The following NXPH2 variants were observed in gnomAD, a reference collection of about 807,000 sequenced individuals.
The protein encoded by NXPH2 is neurexophilin 2.
Under a neutral mutation model 19.8 loss-of-function variants are expected in NXPH2, and 5 were observed. The ratio of observed to expected loss-of-function variants is 0.25; its 90% CI spans 0.13 to 0.53. The LOEUF (loss-of-function observed/expected upper bound fraction) is 0.53. NXPH2 is among the 20% of genes least tolerant of loss of function. NXPH2 has a pLI of 0.96. For missense variants in NXPH2, 289 were observed against 322.8 expected, an observed-to-expected ratio of 0.90 and a Z score of 0.80; for synonymous variants, 154 against 127.4, an observed-to-expected ratio of 1.21 and a Z score of -1.41.
intron 1 of NXPH2, among the ~76,000 whole-genome samples, chr2:138,731,092 T>C (rs925449261): frequency 6.6e-6 from 1 of 152,218 alleles, no homozygotes; most frequent in African/African-American, 2.4e-5. Context: ...TCCCTAAATA[T>C]TTATCATTAT....
At position 138,780,172 on chromosome 2, in the gene NXPH2, G is replaced by T. The variant is rs1024891815; in HGVS notation, c.51+19C>A. 1 of 1,483,814 alleles carries T rather than the reference G, an allele frequency of 6.7e-7. No individual in the cohort carries two copies. The highest frequency in any genetic ancestry group is 8.9e-7 in the Non-Finnish European group (1 of 1,125,394). The allele number at this position is 1,483,814 out of a possible 1,614,324, so 91.9% of individuals were successfully genotyped here. On this transcript the variant is annotated intron_variant, in intron 1 of 1. Coordinates refer to ENST00000272641, the MANE Select transcript of NXPH2 (RefSeq NM_007226.3). ...ACGCGTCCCCGGCGTGTGGGACGGCGCGCGGGCCGGGCACTCACCAGCTGC... is the reference window on the plus strand; with the variant it reads ...ACGCGTCCCCGGCGTGTGGGACGGCTCGCGGGCCGGGCACTCACCAGCTGC...
intron 1 of NXPH2, among the ~76,000 whole-genome samples, chr2:138,763,279 T>C (rs1205222123): frequency 6.6e-6 from 1 of 152,288 alleles, no homozygotes; most frequent in Non-Finnish European, 1.5e-5. Context: ...GAAATTTTGA[T>C]CATAAATTTT....
chr2:138,732,379 T>C (rs570659427), intron 1 of NXPH2, among the ~76,000 whole-genome samples: 1 of 152,174 alleles, frequency 6.6e-6, no homozygotes, highest in East Asian at 1.9e-4. Flanking sequence ...ATCTGGGTCT[T>C]TTAAAAGGCA....
intron 1 of NXPH2, among the ~76,000 whole-genome samples, chr2:138,745,823 G>C (rs536280139): frequency 6.6e-6 from 1 of 152,116 alleles, no homozygotes; most frequent in East Asian, 1.9e-4. Context: ...ATTATAGGGT[G>C]GGGGGAAGAA....
At position 138,779,231 on chromosome 2, in the gene NXPH2, A is replaced by T. The variant is rs571534800; in HGVS notation, c.51+960T>A. On this transcript the variant is annotated intron_variant, in intron 1 of 1. Transcript: ENST00000272641. Reference sequence around the variant, plus strand: ...AAAGCCCTCTTAATAGCACCCTAACAAGGCAAGAGCTAAGTGACCAGAAGA... The same window carrying T: ...AAAGCCCTCTTAATAGCACCCTAACTAGGCAAGAGCTAAGTGACCAGAAGA... Among the ~76,000 whole-genome samples, 26 of 152,282 alleles carry T rather than the reference A, an allele frequency of 1.7e-4. No homozygotes were observed. In the South Asian group the frequency reaches 5.2e-3, roughly 30 times the overall value.
chr2:138,697,762 T>C (rs996188607), intron 1 of NXPH2, among the ~76,000 whole-genome samples: 2 of 151,862 alleles, frequency 1.3e-5, no homozygotes, highest in African/African-American at 4.8e-5. Context: ...AATAAACTAA[T>C]AGATAAATAA....
chr2:138,732,155 T>C (rs1285789894), intron 1 of NXPH2, among the ~76,000 whole-genome samples: 2 of 152,234 alleles, frequency 1.3e-5, no homozygotes, highest in African/African-American at 4.8e-5. Flanking sequence ...TGGGAAACTA[T>C]GGACAACATT....
chr2:138,713,597 CTG>C (rs113220668), intron 1 of NXPH2, among the ~76,000 whole-genome samples: 3,054 of 149,426 alleles, frequency 0.02, 82 homozygotes, highest in African/African-American at 0.063. Flanking sequence ...AGAAAACGTT[CTG>C]TGTGTGTGTG....
At chr2:138,746,447 C>T (rs974428683) in intron 1 of NXPH2, among the ~76,000 whole-genome samples, 3 of 152,194 alleles carry the variant, frequency 2.0e-5, no homozygotes, top group Non-Finnish European at 4.4e-5. Flanking sequence ...TCGTGCCTGG[C>T]TCCAGCCAGA....
At chr2:138,716,116 A>C (rs1681192188) in intron 1 of NXPH2, among the ~76,000 whole-genome samples, 2 of 152,040 alleles carry the variant, frequency 1.3e-5, no homozygotes, top group Non-Finnish European at 2.9e-5. Flanking sequence ...AGTTTTTCTT[A>C]CTCTGATTTC....
At chr2:138,751,550 T>G (rs1042249792) in intron 1 of NXPH2, among the ~76,000 whole-genome samples, 4 of 152,112 alleles carry the variant, frequency 2.6e-5, no homozygotes, top group African/African-American at 9.7e-5. Flanking sequence ...TCCTTTTACC[T>G]CCTTAAAATA....
intron 1 of NXPH2, among the ~76,000 whole-genome samples, chr2:138,710,085 C>T (rs1393595950): frequency 6.6e-6 from 1 of 152,210 alleles, no homozygotes; most frequent in Non-Finnish European, 1.5e-5. Flanking sequence ...TCCCATTCCT[C>T]CCAGCCCCTG....
chr2:138,676,730 C>T (rs1190307919), intron 1 of NXPH2, among the ~76,000 whole-genome samples: 1 of 152,154 alleles, frequency 6.6e-6, no homozygotes. Context: ...CTCATGCCTC[C>T]TACTCAAGAA....
In NXPH2 at chr2:138,669,821, T is replaced by A. The variant is rs1680388886; in HGVS notation, c.*1101A>T. ...TAATTTGAAAGTCATTTCAAAAGTC[T>A]GGTAAGCCAGGTATCTTGGTTGTCA... On this transcript the variant is annotated 3_prime_UTR_variant, in exon 2 of 2. Coordinates refer to ENST00000272641, the MANE Select transcript of NXPH2 (RefSeq NM_007226.3). Among the ~76,000 whole-genome samples the A allele has an allele frequency of 6.6e-6, 1 of 152,254 alleles. No homozygotes were observed. Among genetic ancestry groups the A allele is most frequent in the South Asian group, 2.1e-4 (1 of 4,830 alleles).
intron 1 of NXPH2, among the ~76,000 whole-genome samples, chr2:138,753,724 A>G (rs771100739): frequency 6.6e-6 from 1 of 152,108 alleles, no homozygotes; most frequent in African/African-American, 2.4e-5. Context: ...CCTCCCCTTG[A>G]TATCTGTAAA....
intron 1 of NXPH2, among the ~76,000 whole-genome samples, chr2:138,771,267 A>G (rs1682170487): frequency 6.6e-6 from 1 of 152,202 alleles, no homozygotes; most frequent in Admixed American, 6.5e-5. Context: ...AAGTTGCTCT[A>G]TCAAAGTAGC....
At chr2:138,772,065 A>T (rs1029581688) in intron 1 of NXPH2, among the ~76,000 whole-genome samples, 1 of 152,068 alleles carries the variant, frequency 6.6e-6, no homozygotes, top group Admixed American at 6.5e-5. Flanking sequence ...TTGTCCTCAT[A>T]TTCCTACCTG....
intron 1 of NXPH2, among the ~76,000 whole-genome samples, chr2:138,693,498 T>G (rs1680773986): frequency 6.6e-6 from 1 of 152,170 alleles, no homozygotes; most frequent in African/African-American, 2.4e-5. Context: ...CTAGCTTTAT[T>G]GTGTGAATTT....
chr2:138,731,078 A>G (rs2104999712), intron 1 of NXPH2, among the ~76,000 whole-genome samples: 1 of 152,188 alleles, frequency 6.6e-6, no homozygotes, highest in South Asian at 2.1e-4. Context: ...TCTCCTTCAG[A>G]GCTTCCCTAA....
Sources: gnomAD v4.1 joint callset for allele counts (sites outside exome capture counted in the v4.1 genomes callset) on GRCh38, gnomAD v4.1.1 for gene constraint, MANE v1.5 for transcripts, NCBI Gene and HGNC (gene_info 2026-07-23, HGNC 2026-07-21) for gene names.